Variants in PTPRK observed in about 807,000 individuals in gnomAD.
The protein encoded by PTPRK is receptor-type tyrosine-protein phosphatase kappa.
A neutral mutation model predicts 178.0 loss-of-function variants in PTPRK; 75 were observed. The observed-to-expected ratio is 0.42, with a 90% CI of 0.35 to 0.51. PTPRK has a LOEUF of 0.51. Among genes scored for constraint, PTPRK ranks in the 20% least tolerant of loss-of-function variants. The probability of loss-of-function intolerance (pLI) is 0.02; values close to 1 mark genes in which losing one functional copy is unlikely to be tolerated. For synonymous variants in PTPRK, 637 were observed against 620.6 expected (o/e 1.03, Z -0.39); for missense variants, 1,441 against 1,797.8 (o/e 0.80, Z 3.59).
intron 1 of PTPRK, among the ~76,000 whole-genome samples, chr6:128,453,238 G>A (rs943023445): frequency 2.0e-5 from 3 of 152,108 alleles, no homozygotes; most frequent in Non-Finnish European, 4.4e-5. Context: ...AAATCTACAG[G>A]GGGAATGGGA....
chr6:128,435,617 G>T (rs931004108), intron 1 of PTPRK, among the ~76,000 whole-genome samples: 1 of 152,122 alleles, frequency 6.6e-6, no homozygotes, highest in Non-Finnish European at 1.5e-5. Context: ...TCTTTCTGGT[G>T]TATGGTCTTA....
At chr6:128,319,934 T>G (rs541495155) in intron 3 of PTPRK, among the ~76,000 whole-genome samples, 1 of 152,326 alleles carries the variant, frequency 6.6e-6, no homozygotes, top group African/African-American at 2.4e-5. Context: ...CTCTGTTGTT[T>G]GCTCTCATTG....
chr6:127,995,701 T>C (rs1377759412), intron 17 of PTPRK, among the ~76,000 whole-genome samples, 163 bp from the exon 18 acceptor site: 1 of 152,068 alleles, frequency 6.6e-6, no homozygotes, highest in Non-Finnish European at 1.5e-5. Context: ...TAGTGAACCT[T>C]GCTATTACAC....
At chr6:128,082,366 G>C in intron 10 of PTPRK, 71 bp downstream of exon 10, 5 of 1,388,766 alleles carry the variant, frequency 3.6e-6, no homozygotes, top group Non-Finnish European at 5.1e-6. Context: ...GTTTATATGT[G>C]ATTCTCCAGG....
chr6:128,096,627 TA>T (rs1050007766), intron 7 of PTPRK, among the ~76,000 whole-genome samples: 1 of 151,592 alleles, frequency 6.6e-6, no homozygotes. Context: ...CAAGGAAAAA[TA>T]AAAAAAAGAA....
At chr6:128,095,200 T>C (rs961714893) in intron 7 of PTPRK, among the ~76,000 whole-genome samples, 2 of 152,082 alleles carry the variant, frequency 1.3e-5, no homozygotes, top group African/African-American at 4.8e-5. Flanking sequence ...ACACAAAATA[T>C]TAAGTGTTTG....
intron 7 of PTPRK, among the ~76,000 whole-genome samples, chr6:128,128,211 A>G (rs1485804118): frequency 6.6e-6 from 1 of 152,242 alleles, no homozygotes; most frequent in Non-Finnish European, 1.5e-5. Context: ...TTTTTAAAGT[A>G]GCTTTCAATG....
At chr6:128,403,620 T>G (rs551531688) in intron 1 of PTPRK, among the ~76,000 whole-genome samples, 63 of 152,280 alleles carry the variant, frequency 4.1e-4, no homozygotes, top group African/African-American at 1.5e-3. Flanking sequence ...TTTTCATGTT[T>G]TATTCTTCCC....
intron 7 of PTPRK, among the ~76,000 whole-genome samples, chr6:128,117,289 A>C (rs1791697884): frequency 6.6e-6 from 1 of 152,222 alleles, no homozygotes; most frequent in Admixed American, 6.5e-5. Flanking sequence ...GGAAGAAATA[A>C]GTTCTGTAAA....
chr6:128,204,146 A>G (rs946791780), intron 6 of PTPRK, among the ~76,000 whole-genome samples: 1 of 152,162 alleles, frequency 6.6e-6, no homozygotes, highest in African/African-American at 2.4e-5. Context: ...CTGATCTTTG[A>G]CAAACCTGAA....
chr6:128,284,397 A>C (rs779455605), intron 3 of PTPRK, among the ~76,000 whole-genome samples: 13 of 152,210 alleles, frequency 8.5e-5, no homozygotes, highest in Non-Finnish European at 1.3e-4. Context: ...GACTAATCAC[A>C]TGATACTTTT....
chr6:128,198,288 T>C (rs1805279750), intron 6 of PTPRK, among the ~76,000 whole-genome samples: 1 of 152,198 alleles, frequency 6.6e-6, no homozygotes, highest in Non-Finnish European at 1.5e-5. Flanking sequence ...TGCCCTTTCA[T>C]GATCTGTCCC....
intron 2 of PTPRK, among the ~76,000 whole-genome samples, chr6:128,391,755 T>C (rs1276033074): frequency 2.0e-5 from 3 of 151,934 alleles, no homozygotes; most frequent in East Asian, 3.9e-4. Context: ...CTCAGATGTA[T>C]TAAAATGTGT....
In PTPRK at chr6:128,150,519, G is replaced by A. The variant is rs937020566; in HGVS notation, c.1162+33913C>T. On this transcript the variant is annotated intron_variant, in intron 7 of 29. Coordinates refer to ENST00000368226, the MANE Select transcript of PTPRK (RefSeq NM_002844.4). ...GGAATATGCCATCATTTCCCTCCCC[G>A]GCCTTCCCTGCTCATCTTTTTAGAG... Among the ~76,000 whole-genome samples the A allele has an allele frequency of 4.6e-5, 7 of 151,952 alleles. No individual in the cohort carries two copies. The East Asian group carries it at 5.8e-4, about 13-fold the overall frequency.
At position 128,214,643 on chromosome 6, in the gene PTPRK, T is replaced by C. The variant is rs181802317; in HGVS notation, c.868+4279A>G. 3.5e-3 allele frequency among the ~76,000 whole-genome samples: 536 copies of C among 152,074 alleles called. 5 individuals carry two copies. The highest frequency in any genetic ancestry group is 6.4e-3 in the Non-Finnish European group (436 of 67,966). On this transcript the variant is annotated intron_variant, in intron 6 of 29. Coordinates refer to ENST00000368226, the MANE Select transcript of PTPRK (RefSeq NM_002844.4). ...GACCAAGGAAGCATGTAGTCATATT[T>C]CTCTCCTAAGACTAGGTGGTAGGCC...
In PTPRK at chr6:128,427,406, T is replaced by A. The variant is rs1272886871; in HGVS notation, c.101-29718A>T. On this transcript the variant is annotated intron_variant, in intron 1 of 29. Transcript: ENST00000368226. ...CTATTTAGGTACACAGGAACTACTG[T>A]GCAGTTACATTCATGGCTGAAGAGC... is the stretch of plus-strand genomic sequence containing the variant. Among the ~76,000 whole-genome samples the A allele has an allele frequency of 4.6e-5, 7 of 152,290 alleles. No individual in the cohort carries two copies. The East Asian group carries it at 9.7e-4, about 21-fold the overall frequency.
intron 6 of PTPRK, among the ~76,000 whole-genome samples, chr6:128,216,757 T>C (rs1462804449): frequency 1.3e-5 from 2 of 151,098 alleles, no homozygotes; most frequent in African/African-American, 2.5e-5. Context: ...GACAAAATGA[T>C]TCTCTTTTAA....
chr6:128,113,997 C>T (rs1296117958), intron 7 of PTPRK, among the ~76,000 whole-genome samples: 1 of 151,992 alleles, frequency 6.6e-6, no homozygotes, highest in Non-Finnish European at 1.5e-5. Context: ...ACAAGAAAGC[C>T]TTGATTGATA....
intron 3 of PTPRK, among the ~76,000 whole-genome samples, chr6:128,264,003 T>A (rs918318012): frequency 6.6e-6 from 1 of 151,280 alleles, no homozygotes; most frequent in East Asian, 1.9e-4. Flanking sequence ...GAGGTTGGTA[T>A]GAAGCAGACT....
Sources: allele counts gnomAD v4.1 joint callset (sites outside exome capture counted in the v4.1 genomes callset), GRCh38; gene constraint gnomAD v4.1.1; transcripts MANE v1.5; gene names NCBI Gene and HGNC (gene_info 2026-07-23, HGNC 2026-07-21).